The following ELMO1 variants were observed in gnomAD, a reference collection of about 807,000 sequenced individuals.
ELMO1 encodes the protein engulfment and cell motility 1, also known as engulfment and cell motility protein 1.
In ELMO1, 26 loss-of-function variants were observed where a neutral mutation model predicts 98.9. That is an observed-to-expected ratio of 0.26 (90% confidence interval 0.19 to 0.36). ELMO1 has a LOEUF of 0.36. Among genes scored for constraint, ELMO1 ranks in the 10% least tolerant of loss-of-function variants. ELMO1 has a pLI of 1.00. For synonymous variants in ELMO1, 346 were observed against 346.0 expected (o/e 1.00, Z 0.00); for missense variants, 627 against 935.2 (o/e 0.67, Z 4.30).
At chr7:36,986,206 G>C in intron 16 of ELMO1, 1 of 984,402 alleles carries the variant, frequency 1.0e-6, no homozygotes, top group Non-Finnish European at 1.2e-6. Context: ...GGCAGGAGTC[G>C]GGGAAAGATC....
chr7:37,372,891 T>C (rs189816538), intron 1 of ELMO1, among the ~76,000 whole-genome samples: 1 of 152,332 alleles, frequency 6.6e-6, no homozygotes, highest in East Asian at 1.9e-4. Flanking sequence ...GGAACAATTA[T>C]CATGAGATAA....
At chr7:37,413,880 G>A (rs866463706) in intron 1 of ELMO1, among the ~76,000 whole-genome samples, 25 of 152,012 alleles carry the variant, frequency 1.6e-4, no homozygotes, top group African/African-American at 4.3e-4. Context: ...GTTTTGTCAC[G>A]TTGCCTATTC....
intron 4 of ELMO1, among the ~76,000 whole-genome samples, chr7:37,292,550 T>C (rs1420306270): frequency 2.0e-5 from 2 of 99,772 alleles, no homozygotes; most frequent in African/African-American, 3.2e-5. Context: ...GAGGAGCGTC[T>C]CTGCCCGGCC....
chr7:37,238,228 CATTT>C (rs1421951035), intron 7 of ELMO1, among the ~76,000 whole-genome samples: 4 of 152,196 alleles, frequency 2.6e-5, no homozygotes, highest in East Asian at 1.9e-4. Context: ...TATTTCCCCT[CATTT>C]ATTTATTTTT....
chr7:37,130,351 G>C (rs190408312), intron 14 of ELMO1, among the ~76,000 whole-genome samples: 2 of 152,132 alleles, frequency 1.3e-5, no homozygotes, highest in South Asian at 4.1e-4. Context: ...GCAGCCTGAG[G>C]GACTGAGACA....
intron 20 of ELMO1, among the ~76,000 whole-genome samples, chr7:36,869,271 G>T (rs1803317109): frequency 6.6e-6 from 1 of 152,190 alleles, no homozygotes; most frequent in Admixed American, 6.5e-5. Flanking sequence ...GAGCTGAGGT[G>T]AGTTATAGAA....
At chr7:36,963,359 A>C (rs1309781095) in intron 16 of ELMO1, among the ~76,000 whole-genome samples, 2 of 151,472 alleles carry the variant, frequency 1.3e-5, no homozygotes, top group African/African-American at 4.9e-5. Flanking sequence ...GCCTGGTGAC[A>C]GTGCAAGACT....
chr7:37,241,078 GT>G (rs1245711421), intron 7 of ELMO1, among the ~76,000 whole-genome samples: 1 of 151,972 alleles, frequency 6.6e-6, no homozygotes, highest in Non-Finnish European at 1.5e-5. Context: ...ATGCTGATGG[GT>G]TTGCCTCTTT....
intron 13 of ELMO1, among the ~76,000 whole-genome samples, chr7:37,184,698 G>A (rs1033994856): frequency 2.0e-5 from 3 of 151,996 alleles, no homozygotes; most frequent in African/African-American, 7.3e-5. Context: ...ACTTGAGCCT[G>A]GGAGTTTGAG....
At chr7:37,369,638 G>T (rs189199942) in intron 1 of ELMO1, among the ~76,000 whole-genome samples, 16 of 144,994 alleles carry the variant, frequency 1.1e-4, no homozygotes, top group African/African-American at 3.3e-4. Context: ...GGGTAAGAAG[G>T]ATTTCTTAAG....
intron 13 of ELMO1, among the ~76,000 whole-genome samples, chr7:37,136,678 A>G (rs1321251975): frequency 2.0e-5 from 3 of 152,152 alleles, no homozygotes; most frequent in African/African-American, 7.2e-5. Context: ...AAATGCTGAG[A>G]GAATTCCCCA....
chr7:37,138,770 A>C (rs1283999394), intron 13 of ELMO1, among the ~76,000 whole-genome samples: 1 of 152,168 alleles, frequency 6.6e-6, no homozygotes, highest in African/African-American at 2.4e-5. Context: ...GGACATCATA[A>C]AAAAAGAAAA....
intron 16 of ELMO1, among the ~76,000 whole-genome samples, chr7:36,979,009 T>C (rs1790816998): frequency 6.6e-6 from 1 of 152,182 alleles, no homozygotes; most frequent in Non-Finnish European, 1.5e-5. Context: ...ATACTAAAGA[T>C]TGAAGGGGCA....
intron 15 of ELMO1, among the ~76,000 whole-genome samples, chr7:37,052,683 G>C (rs139102096): frequency 1.3e-5 from 2 of 152,334 alleles, no homozygotes; most frequent in East Asian, 1.9e-4. Flanking sequence ...TCTTGAGAGA[G>C]AGGTCACTGA....
intron 14 of ELMO1, among the ~76,000 whole-genome samples, chr7:37,101,737 G>A (rs1784655948): frequency 6.6e-6 from 1 of 151,914 alleles, no homozygotes; most frequent in South Asian, 2.1e-4. Flanking sequence ...GCTTGCACTG[G>A]TTATTCTCTT....
chr7:36,883,420 T>C (rs1412532595), intron 18 of ELMO1, among the ~76,000 whole-genome samples: 5 of 152,194 alleles, frequency 3.3e-5, no homozygotes, highest in Non-Finnish European at 7.3e-5. Context: ...TCGATCTGTG[T>C]CCTCACCAAA....
At chr7:37,366,236 T>C (rs1801899054) in intron 1 of ELMO1, among the ~76,000 whole-genome samples, 2 of 152,188 alleles carry the variant, frequency 1.3e-5, no homozygotes. Context: ...CTCAAAAGAA[T>C]ATCCAGCATT....
chr7:36,933,361 G>C (rs1786217437), intron 16 of ELMO1, among the ~76,000 whole-genome samples: 2 of 152,146 alleles, frequency 1.3e-5, no homozygotes. Flanking sequence ...AAAAAGTCCA[G>C]GTCATTTTCT....
At chr7:36,901,737 A>G (rs1024407379) in intron 16 of ELMO1, among the ~76,000 whole-genome samples, 1 of 152,198 alleles carries the variant, frequency 6.6e-6, no homozygotes, top group Non-Finnish European at 1.5e-5. Context: ...TAAGAGATGT[A>G]GAGCATTGCA....
Sources: allele counts gnomAD v4.1 joint callset (sites outside exome capture counted in the v4.1 genomes callset), GRCh38; gene constraint gnomAD v4.1.1; transcripts MANE v1.5; gene names NCBI Gene and HGNC (gene_info 2026-07-23, HGNC 2026-07-21).